The following TEX9 variants were observed in gnomAD, a reference collection of about 807,000 sequenced individuals.
TEX9 encodes the protein testis-expressed protein 9.
A neutral mutation model predicts 59.6 loss-of-function variants in TEX9; 74 were observed. That is an observed-to-expected ratio of 1.24 (90% CI 1.03 to 1.51). The LOEUF (loss-of-function observed/expected upper bound fraction) is 1.51, where lower values mean the gene tolerates loss of function less well. Among genes scored for constraint, TEX9 ranks in the 40% most tolerant of loss-of-function variants. TEX9 has a pLI of 0.00. For missense variants in TEX9, 522 were observed against 447.8 expected, an observed-to-expected ratio of 1.17 and a Z score of -1.49; for synonymous variants, 186 against 152.2, an observed-to-expected ratio of 1.22 and a Z score of -1.64.
the TEX9 span, chr15:56,456,498 T>C: frequency 6.2e-7 from 1 of 1,611,152 alleles, no homozygotes; most frequent in South Asian, 1.1e-5. Context: ...GCTGGAGTTC[T>C]TTCAATCTCT....
At chr15:56,382,578 A>G (rs1463464246) in intron 3 of TEX9, among the ~76,000 whole-genome samples, 2 of 152,106 alleles carry the variant, frequency 1.3e-5, no homozygotes, top group Non-Finnish European at 2.9e-5. Flanking sequence ...TTAGCAGGTG[A>G]TGAATGCTGT....
chr15:56,340,538 T>A (rs966561566), intron 1 of TEX9, among the ~76,000 whole-genome samples: 23 of 152,200 alleles, frequency 1.5e-4, no homozygotes, highest in African/African-American at 5.3e-4. Flanking sequence ...CCATCTCTGC[T>A]TATGAGAACT....
intron 1 of TEX9, among the ~76,000 whole-genome samples, chr15:56,248,099 C>T (rs1470725090): frequency 6.6e-6 from 1 of 152,112 alleles, no homozygotes; most frequent in African/African-American, 2.4e-5. Context: ...AGTTTCAATG[C>T]TGTAATGTGA....
intron 2 of TEX9, among the ~76,000 whole-genome samples, chr15:56,372,526 A>G (rs1342243952): frequency 6.6e-6 from 1 of 152,226 alleles, no homozygotes; most frequent in Non-Finnish European, 1.5e-5. Flanking sequence ...GTTAACCTTT[A>G]AAAGTGAAAA....
At chr15:56,269,579 C>G (rs1407418512) in intron 1 of TEX9, among the ~76,000 whole-genome samples, 1 of 151,928 alleles carries the variant, frequency 6.6e-6, no homozygotes, top group Non-Finnish European at 1.5e-5. Flanking sequence ...TTGTTATTTG[C>G]CCGGTGGTCA....
intron 1 of TEX9, among the ~76,000 whole-genome samples, chr15:56,333,796 C>T (rs2046206645): frequency 6.6e-6 from 1 of 152,062 alleles, no homozygotes; most frequent in African/African-American, 2.4e-5. Context: ...AACCAAAAAG[C>T]TATTAGAAAT....
At chr15:56,321,956 G>A (rs1278728105) in intron 1 of TEX9, among the ~76,000 whole-genome samples, 1 of 151,996 alleles carries the variant, frequency 6.6e-6, no homozygotes, top group Non-Finnish European at 1.5e-5. Flanking sequence ...GGCTGCCTGA[G>A]GGAGTTCTGA....
In TEX9 at chr15:56,337,596, C is replaced by T. The variant is rs1019204608; in HGVS notation, c.-106-35845C>T. On this transcript the variant is annotated intron_variant, in intron 1 of 5. Coordinates refer to the TEX9 transcript ENST00000560827. ...ATGACTAAAAGGCACCAGGGAAGACCCCTTCCTTCTTACTGTTCATCTTCA... is the reference window on the plus strand; with the variant it reads ...ATGACTAAAAGGCACCAGGGAAGACTCCTTCCTTCTTACTGTTCATCTTCA... Among the ~76,000 whole-genome samples, 27 of 152,060 alleles carry T rather than the reference C, an allele frequency of 1.8e-4. 1 individual carries two copies. The highest frequency in any genetic ancestry group is 6.0e-4 in the African/African-American group (25 of 41,398).
intron 1 of TEX9, among the ~76,000 whole-genome samples, chr15:56,346,577 C>T (rs1402646526): frequency 6.6e-6 from 1 of 152,180 alleles, no homozygotes; most frequent in African/African-American, 2.4e-5. Context: ...TCTCTAACAT[C>T]TTAGTCCCAA....
At chr15:56,381,552 C>T (rs550462486) in intron 3 of TEX9, among the ~76,000 whole-genome samples, 2 of 152,278 alleles carry the variant, frequency 1.3e-5, no homozygotes, top group South Asian at 4.1e-4. Flanking sequence ...AGAAGGCTTT[C>T]CAGTTATTTA....
intron 1 of TEX9, among the ~76,000 whole-genome samples, chr15:56,308,391 T>G (rs1343058202): frequency 6.6e-6 from 1 of 152,198 alleles, no homozygotes; most frequent in African/African-American, 2.4e-5. Context: ...TCCAATCCTT[T>G]GCCCATTCTT....
At chr15:56,309,035 G>C (rs549296115) in intron 1 of TEX9, among the ~76,000 whole-genome samples, 2 of 152,070 alleles carry the variant, frequency 1.3e-5, no homozygotes, top group Admixed American at 6.6e-5. Flanking sequence ...TGGATTCCTT[G>C]TATTGCTATA....
At chr15:56,432,722 A>G (rs1311265526) in intron 12 of TEX9, among the ~76,000 whole-genome samples, 1 of 152,146 alleles carries the variant, frequency 6.6e-6, no homozygotes, top group African/African-American at 2.4e-5. Context: ...CTCCTATCCA[A>G]GTACTAACCA....
chr15:56,402,334 T>A (rs2048837817), intron 9 of TEX9, among the ~76,000 whole-genome samples: 1 of 152,140 alleles, frequency 6.6e-6, no homozygotes, highest in South Asian at 2.1e-4. Flanking sequence ...AAATACAGAC[T>A]ATCATCAGAG....
rs1315730286 is a variant in TEX9 at position 56,399,570 on chromosome 15, C to T, written c.828+4736C>T. Among the ~76,000 whole-genome samples, 4 of 152,244 alleles carry T rather than the reference C, an allele frequency of 2.6e-5. No homozygotes were observed. In the East Asian group the frequency reaches 7.7e-4, roughly 29 times the overall value. On this transcript the variant is annotated intron_variant, in intron 9 of 12. Coordinates refer to ENST00000352903, the Ensembl canonical transcript of TEX9. ...AAAGGCAGCAGACAACTTCTGCAGACTTAAACGTCCCTGTCTGACAGGTCT... is the reference window on the plus strand; with the variant it reads ...AAAGGCAGCAGACAACTTCTGCAGATTTAAACGTCCCTGTCTGACAGGTCT...
At chr15:56,366,878 C>T (rs1000941348) in intron 2 of TEX9, among the ~76,000 whole-genome samples, 1 of 152,190 alleles carries the variant, frequency 6.6e-6, no homozygotes, top group Admixed American at 6.5e-5. Flanking sequence ...GGAAGATAAT[C>T]ATATCTTCTT....
intron 1 of TEX9, among the ~76,000 whole-genome samples, chr15:56,258,671 G>A (rs1596047047): frequency 6.6e-6 from 1 of 151,384 alleles, no homozygotes; most frequent in African/African-American, 2.4e-5. Flanking sequence ...CATTTTGTTG[G>A]GGATGTACTA....
chr15:56,244,733 C>T (rs2043802017), intron 1 of TEX9, among the ~76,000 whole-genome samples: 1 of 152,102 alleles, frequency 6.6e-6, no homozygotes, highest in African/African-American at 2.4e-5. Context: ...GTAGTACTCA[C>T]AACATGGAGG....
At chr15:56,329,354 C>G (rs1289887070) in intron 1 of TEX9, among the ~76,000 whole-genome samples, 1 of 149,624 alleles carries the variant, frequency 6.7e-6, no homozygotes, top group Non-Finnish European at 1.5e-5. Flanking sequence ...CAGTAAATAC[C>G]TAACTCTTCA....
Sources: gnomAD v4.1 joint callset for allele counts (sites outside exome capture counted in the v4.1 genomes callset) on GRCh38, gnomAD v4.1.1 for gene constraint, MANE v1.5 for transcripts, NCBI Gene and HGNC (gene_info 2026-07-23, HGNC 2026-07-21) for gene names.